EML1: variants seen among roughly 807,000 people sequenced by gnomAD.
The protein encoded by EML1 is echinoderm microtubule-associated protein-like 1.
In EML1, 27 loss-of-function variants were observed where a neutral mutation model predicts 110.4. That is an observed-to-expected ratio of 0.24 (90% CI 0.18 to 0.34). EML1 has a LOEUF of 0.34. EML1 is among the 10% of genes least tolerant of loss of function. EML1 has a pLI of 1.00. For missense variants in EML1, 741 were observed against 1,030.9 expected (o/e 0.72, Z 3.85); for synonymous variants, 344 against 385.8 (o/e 0.89, Z 1.27).
intron 4 of EML1, among the ~76,000 whole-genome samples, chr14:99,878,997 CTTTAAG>C (rs2059341832): frequency 6.6e-6 from 1 of 152,152 alleles, no homozygotes; most frequent in African/African-American, 2.4e-5. Flanking sequence ...TAATGGACTG[CTTTAAG>C]TTTGTCAGCA....
intron 16 of EML1, among the ~76,000 whole-genome samples, chr14:99,919,588 C>G (rs931712124): frequency 6.6e-6 from 1 of 152,054 alleles, no homozygotes; most frequent in African/African-American, 2.4e-5. Flanking sequence ...GTGTAGGACA[C>G]GGTGACAGTG....
intron 1 of EML1, among the ~76,000 whole-genome samples, chr14:99,798,037 C>T (rs2057807095): frequency 1.3e-5 from 2 of 152,180 alleles, no homozygotes; most frequent in Non-Finnish European, 2.9e-5. Context: ...AAAGTAACTA[C>T]CTCTCCAGGC....
At chr14:99,782,204 G>A (rs570393117) in intron 1 of EML1, among the ~76,000 whole-genome samples, 1 of 152,170 alleles carries the variant, frequency 6.6e-6, no homozygotes, top group Admixed American at 6.5e-5. Context: ...TGAAGAGGTG[G>A]CTGCTCAAAG....
chr14:99,809,185 G>T (rs1044729580), intron 1 of EML1, among the ~76,000 whole-genome samples: 4 of 152,070 alleles, frequency 2.6e-5, no homozygotes, highest in Non-Finnish European at 4.4e-5. Context: ...CCTGCACCTT[G>T]AAAATTGTTA....
chr14:99,872,757 A>G (rs897285978), intron 3 of EML1, among the ~76,000 whole-genome samples: 4 of 152,234 alleles, frequency 2.6e-5, no homozygotes, highest in Non-Finnish European at 5.9e-5. Context: ...CAGGCTGGGC[A>G]TTCTGAATAT....
At chr14:99,750,294 A>T (rs2057161188) in intron 1 of EML1, among the ~76,000 whole-genome samples, 2 of 152,176 alleles carry the variant, frequency 1.3e-5, no homozygotes, top group South Asian at 4.1e-4. Flanking sequence ...GCAGTCTGGG[A>T]AAAGCAGGTC....
At chr14:99,837,077 T>G (rs1459780932) in intron 1 of EML1, among the ~76,000 whole-genome samples, 1 of 151,912 alleles carries the variant, frequency 6.6e-6, no homozygotes, top group Non-Finnish European at 1.5e-5. Context: ...CCAGAAGACT[T>G]GAGGGCAGGG....
chr14:99,831,031 C>T (rs1463600746), intron 1 of EML1, among the ~76,000 whole-genome samples: 1 of 152,172 alleles, frequency 6.6e-6, no homozygotes, highest in African/African-American at 2.4e-5. Context: ...TCTAAGGGCC[C>T]TCTCAGTGCC....
At chr14:99,745,299 C>T (rs1045388009) in intron 1 of EML1, among the ~76,000 whole-genome samples, 8 of 152,306 alleles carry the variant, frequency 5.3e-5, no homozygotes. Context: ...CTTCTGACCT[C>T]AAATTATCCG....
At chr14:99,893,986 A>G (rs1448701262) in intron 5 of EML1, among the ~76,000 whole-genome samples, 3 of 152,336 alleles carry the variant, frequency 2.0e-5, no homozygotes, top group South Asian at 4.1e-4. Context: ...TATTATAGAA[A>G]TGTTCGTTCT....
chr14:99,935,781 C>CAAAAAAAAAAAAAAAAAAAA (rs1160100015), intron 17 of EML1, among the ~76,000 whole-genome samples: 35 of 83,704 alleles, frequency 4.2e-4, no homozygotes, highest in African/African-American at 1.6e-3. Context: ...GACTCCGTCT[C>CAAAAAAAAAAAAAAAAAAAA]AAAAAAAAAA....
At chr14:99,834,389 G>A (rs1566889097) in intron 1 of EML1, among the ~76,000 whole-genome samples, 1 of 150,960 alleles carries the variant, frequency 6.6e-6, no homozygotes, top group African/African-American at 2.4e-5. Flanking sequence ...TGCAAGCTCC[G>A]CCTCCCAGTT....
At chr14:99,869,056 A>T (rs1011637276) in intron 3 of EML1, among the ~76,000 whole-genome samples, 2 of 152,084 alleles carry the variant, frequency 1.3e-5, no homozygotes, top group Non-Finnish European at 2.9e-5. Flanking sequence ...TTCTTTGACC[A>T]TTGATTGTTT....
At chr14:99,855,676 GTACTTTAATATGAAA>G (rs1298623787) in intron 2 of EML1, among the ~76,000 whole-genome samples, 1 of 152,122 alleles carries the variant, frequency 6.6e-6, no homozygotes, top group Admixed American at 6.6e-5. Context: ...CCCTTTTAAA[GTACTTTAATATGAAA>G]TACTTTAATA....
At chr14:99,909,963 G>C (rs565484148) in intron 11 of EML1, among the ~76,000 whole-genome samples, 4 of 152,036 alleles carry the variant, frequency 2.6e-5, no homozygotes, top group Non-Finnish European at 1.5e-5. Context: ...CCTTCTCCCC[G>C]GTCAGTACCC....
intron 1 of EML1, among the ~76,000 whole-genome samples, chr14:99,755,903 G>A (rs371841591): frequency 3.2e-4 from 48 of 152,288 alleles, no homozygotes; most frequent in Middle Eastern, 3.4e-3. Context: ...GCCCAGGGTA[G>A]CACAGGGCTA....
chr14:99,783,390 A>G (rs1009575025), intron 1 of EML1, among the ~76,000 whole-genome samples: 1 of 151,828 alleles, frequency 6.6e-6, no homozygotes, highest in Non-Finnish European at 1.5e-5. Context: ...CCAGTCTATC[A>G]TTGATGGACA....
intron 1 of EML1, among the ~76,000 whole-genome samples, chr14:99,821,840 G>A (rs952526586): frequency 6.6e-6 from 1 of 152,214 alleles, no homozygotes; most frequent in Non-Finnish European, 1.5e-5. Flanking sequence ...GTGCTAATAT[G>A]TCGGTTTTAT....
rs78744374 is a variant in EML1 at position 99,780,686 on chromosome 14, A to G, written c.-27+6673A>G. On this transcript the variant is annotated intron_variant, in intron 1 of 22. Transcript: ENST00000327921. ...ACTGCACGTATGATGATGGTCCCAT[A>G]AGGTTATGACACTGTATTTTTAATA... Among the ~76,000 whole-genome samples the G allele has an allele frequency of 4.2e-3, 634 of 152,220 alleles. 6 individuals are homozygous for G. Among genetic ancestry groups the G allele is most frequent in the Middle Eastern group, 6.8e-3 (2 of 294 alleles).
Sources: gnomAD v4.1 joint callset for allele counts (sites outside exome capture counted in the v4.1 genomes callset) on GRCh38, gnomAD v4.1.1 for gene constraint, MANE v1.5 for transcripts, NCBI Gene and HGNC (gene_info 2026-07-23, HGNC 2026-07-21) for gene names.